The following KIF15 variants were observed in gnomAD, a reference collection of about 807,000 sequenced individuals.
The protein encoded by KIF15 is kinesin family member 15.
In KIF15, 140 loss-of-function variants were observed where a neutral mutation model predicts 190.6. The observed-to-expected ratio is 0.73, with a 90% CI of 0.64 to 0.84. KIF15 has a LOEUF of 0.84. KIF15 is among the 40% of genes least tolerant of loss of function. The probability of loss-of-function intolerance (pLI) is 0.00; values close to 1 mark genes in which losing one functional copy is unlikely to be tolerated. For synonymous variants in KIF15, 528 were observed against 551.3 expected, an observed-to-expected ratio of 0.96 and a Z score of 0.59; for missense variants, 1,372 against 1,584.4, an observed-to-expected ratio of 0.87 and a Z score of 2.28.
intron 5 of KIF15, among the ~76,000 whole-genome samples, chr3:44,783,527 A>G (rs1055745813): frequency 6.6e-6 from 1 of 152,206 alleles, no homozygotes; most frequent in African/African-American, 2.4e-5. Context: ...CCAGCAGGCG[A>G]CACCTCCAAC....
chr3:44,826,982 C>A (rs149715297), intron 22 of KIF15: 5 of 455,862 alleles, frequency 1.1e-5, no homozygotes, highest in Non-Finnish European at 2.2e-5. Context: ...CCTATGAGGT[C>A]GCTTTTCTTC....
intron 7 of KIF15, among the ~76,000 whole-genome samples, chr3:44,793,813 G>T (rs1393509574): frequency 6.6e-6 from 1 of 151,518 alleles, no homozygotes; most frequent in East Asian, 1.9e-4. Context: ...ATAATAAAAT[G>T]AGTGATTCTC....
chr3:44,813,380 C>T, intron 19 of KIF15, 200 bp downstream of exon 19: 2 of 413,462 alleles, frequency 4.8e-6, no homozygotes, highest in Non-Finnish European at 8.5e-6. Flanking sequence ...CTATCATTGC[C>T]CACAAACAAA....
intron 7 of KIF15, among the ~76,000 whole-genome samples, chr3:44,793,831 TATTTTAC>T (rs1706835820): frequency 6.6e-6 from 1 of 152,118 alleles, no homozygotes; most frequent in Non-Finnish European, 1.5e-5. Flanking sequence ...CTCAAGTGCT[TATTTTAC>T]ATTTTAAGTG....
chr3:44,783,466 A>C (rs1706262382), intron 5 of KIF15, among the ~76,000 whole-genome samples: 1 of 152,198 alleles, frequency 6.6e-6, no homozygotes, highest in African/African-American at 2.4e-5. Context: ...GAATGGCACC[A>C]AGCCTTTCAT....
rs60621752 is a variant in KIF15, at chr3:44,840,655, A to ATTTTT, written c.3420+224_3420+228dup. 2.4e-3 allele frequency among the ~76,000 whole-genome samples: 158 copies of ATTTTT among 67,082 alleles called. 11 individuals carry two copies. Among genetic ancestry groups the ATTTTT allele is most frequent in the Middle Eastern group, 0.016 (1 of 62 alleles). The allele number at this position is 67,082 out of a possible 152,430, so 44.0% of individuals were successfully genotyped here. On this transcript the variant is annotated intron_variant, in intron 28 of 34. Coordinates refer to ENST00000326047, the MANE Select transcript of KIF15 (RefSeq NM_020242.3). ...ATTAGAATAATAAGCTAAGCAGCGG[A>ATTTTT]TTTTTTTTTTTTTTTTTTTTTTTTT...
chr3:44,762,260 C>G (rs1346073104), intron 1 of KIF15, among the ~76,000 whole-genome samples: 1 of 152,222 alleles, frequency 6.6e-6, no homozygotes, highest in East Asian at 1.9e-4. Flanking sequence ...TTGCTCCCAC[C>G]AGCTTCTGCG....
chr3:44,861,971 C>A, intron 6 of KIF15: 1 of 1,392,890 alleles, frequency 7.2e-7, no homozygotes, highest in Non-Finnish European at 9.3e-7. Flanking sequence ...TCCGCGACCG[C>A]GTACCCTGAC....
intron 6 of KIF15, chr3:44,865,270 G>A (rs1456269104): frequency 2.6e-6 from 4 of 1,551,148 alleles, no homozygotes; most frequent in Non-Finnish European, 3.5e-6. Flanking sequence ...GGGCGATCCA[G>A]TTGTGCAGCC....
At chr3:44,819,099 T>C (rs1420439933) in intron 20 of KIF15, among the ~76,000 whole-genome samples, 1 of 152,168 alleles carries the variant, frequency 6.6e-6, no homozygotes, top group African/African-American at 2.4e-5. Context: ...ATCCCCTTTA[T>C]CATTTTTTAT....
At chr3:44,790,695 C>CTTTTTTTTTTTTTT (rs56414094) in intron 7 of KIF15, among the ~76,000 whole-genome samples, 24 of 97,936 alleles carry the variant, frequency 2.5e-4, no homozygotes, top group Non-Finnish European at 3.3e-4. Context: ...TTTTCTGTTT[C>CTTTTTTTTTTTTTT]TTTTTTTTTT....
chr3:44,815,589 G>A (rs1198450425), intron 20 of KIF15, among the ~76,000 whole-genome samples: 11 of 152,150 alleles, frequency 7.2e-5, no homozygotes, highest in Non-Finnish European at 1.6e-4. Flanking sequence ...CTAGAAGAAA[G>A]GACAGTCAGT....
chr3:44,858,013 G>A (rs914649033), downstream of KIF15, among the ~76,000 whole-genome samples: 1 of 152,230 alleles, frequency 6.6e-6, no homozygotes, highest in Non-Finnish European at 1.5e-5. Context: ...AAGAGAAAGA[G>A]CTTGGCTGAA....
chr3:44,802,723 A>G (rs1707335135), intron 13 of KIF15, 91 bp from the exon 14 acceptor site: 25 of 1,290,778 alleles, frequency 1.9e-5, no homozygotes, highest in Non-Finnish European at 2.5e-5. Flanking sequence ...GTGCATGTGC[A>G]TACCTAGTTT....
At chr3:44,819,274 T>C (rs1399620729) in intron 20 of KIF15, among the ~76,000 whole-genome samples, 7 of 152,230 alleles carry the variant, frequency 4.6e-5, no homozygotes, top group Admixed American at 4.6e-4. Context: ...AGTTATTTCC[T>C]GCCTTCTGCT....
At chr3:44,800,526 C>T in intron 11 of KIF15, 89 bp downstream of exon 11, 1 of 1,442,678 alleles carries the variant, frequency 6.9e-7, no homozygotes, top group Non-Finnish European at 9.4e-7. Flanking sequence ...CACAATAAGG[C>T]AACCCAAATT....
intron 1 of KIF15, among the ~76,000 whole-genome samples, chr3:44,763,954 C>T (rs777970958): frequency 1.3e-5 from 2 of 152,198 alleles, no homozygotes; most frequent in Non-Finnish European, 2.9e-5. Flanking sequence ...TCCCAAAGTG[C>T]TAGGATTACA....
At chr3:44,838,036 G>A (rs1698411069) in intron 26 of KIF15, among the ~76,000 whole-genome samples, 1 of 152,160 alleles carries the variant, frequency 6.6e-6, no homozygotes, top group East Asian at 1.9e-4. Flanking sequence ...CAAACCTAGA[G>A]TACAGTTAAA....
Position 44,805,996 on chromosome 3 carries a change from C to T in KIF15, c.1971+10C>T, listed in dbSNP as rs779463559. ...TGCTGAAACACTTAAGGTAGGTCATCTGAACAATACCTCCACCTTAAATCA... is the reference window on the plus strand; with the variant it reads ...TGCTGAAACACTTAAGGTAGGTCATTTGAACAATACCTCCACCTTAAATCA... On this transcript the variant is annotated intron_variant, in intron 16 of 34. Transcript: ENST00000326047. 2 of 1,611,916 alleles carry T rather than the reference C, an allele frequency of 1.2e-6. No individual in the cohort carries two copies. The highest frequency in any genetic ancestry group is 1.7e-6 in the Non-Finnish European group (2 of 1,179,244).
Sources: gnomAD v4.1 joint callset for allele counts (sites outside exome capture counted in the v4.1 genomes callset) on GRCh38, gnomAD v4.1.1 for gene constraint, MANE v1.5 for transcripts, NCBI Gene and HGNC (gene_info 2026-07-23, HGNC 2026-07-21) for gene names.